The following RELN variants were observed in gnomAD, a reference collection of about 807,000 sequenced individuals.
The protein encoded by RELN is reelin.
A neutral mutation model predicts 427.6 loss-of-function variants in RELN; 108 were observed. The ratio of observed to expected loss-of-function variants is 0.25; its 90% confidence interval spans 0.22 to 0.30. The LOEUF (loss-of-function observed/expected upper bound fraction) is 0.30. Ranked by LOEUF, RELN falls within the 10% of genes least tolerant of loss-of-function variation. RELN has a pLI of 1.00. For missense variants in RELN, 3,715 were observed against 4,302.8 expected (o/e 0.86, Z 3.82); for synonymous variants, 1,524 against 1,513.4 (o/e 1.01, Z -0.16).
intron 12 of RELN, among the ~76,000 whole-genome samples, chr7:103,656,486 C>A (rs1833025323): frequency 6.6e-6 from 1 of 152,038 alleles, no homozygotes. Flanking sequence ...AGCACACATT[C>A]TCACCCCATT....
rs150166577 is a variant in RELN, at chr7:103,635,111, G to A, written c.2465+314C>T. 5.7e-3 allele frequency among the ~76,000 whole-genome samples: 868 copies of A among 151,920 alleles called. 6 individuals carry two copies. Among genetic ancestry groups the A allele is most frequent in the Middle Eastern group, 0.037 (11 of 294 alleles). ...CCTGACCTCGTGATCTGCCTGCCTC[G>A]GCCTCCCAAACTGCTGGGATTACAG... On this transcript the variant is annotated intron_variant, in intron 19 of 64. Coordinates refer to ENST00000428762, the MANE Select transcript of RELN (RefSeq NM_005045.4).
intron 2 of RELN, among the ~76,000 whole-genome samples, chr7:103,881,429 T>C (rs1794603525): frequency 6.6e-6 from 1 of 152,114 alleles, no homozygotes; most frequent in African/African-American, 2.4e-5. Context: ...ACTGTTGGCA[T>C]CATCATCAGA....
intron 60 of RELN, 86 bp from the exon 61 acceptor site, chr7:103,486,502 A>G (rs1363110362): frequency 9.6e-7 from 1 of 1,037,078 alleles, no homozygotes; most frequent in Non-Finnish European, 1.5e-6. Flanking sequence ...TTCAGGTTTA[A>G]GTAGTTGTTA....
chr7:103,652,637 A>C lies in RELN; in HGVS notation c.1677T>G (p.His559Gln). ...NRNVWAVDFF[H>Q]VLPVLPSTMS... ...TTGTAGAAGGGAGAACAGGCAAGAC[A>C]TGGAAAAAGTCTACAGCCCAGACAT... The change falls in exon 14 of 65, where the codon CAT becomes CAG. Residue 559 changes from histidine (H) to glutamine (Q), a missense_variant. Physicochemically the swap from His to Gln is conservative, Grantham distance 24. Transcript: ENST00000428762. 6.2e-7 allele frequency: 1 copy of C among 1,613,030 alleles called. No homozygotes were observed. Among genetic ancestry groups the C allele is most frequent in the Non-Finnish European group, 8.5e-7 (1 of 1,179,320 alleles).
chr7:103,780,344 C>A (rs529237277), intron 3 of RELN, among the ~76,000 whole-genome samples: 12 of 152,222 alleles, frequency 7.9e-5, no homozygotes, highest in African/African-American at 2.9e-4. Flanking sequence ...AGTATTTGTC[C>A]AATTTTAAAC....
Position 103,792,610 on chromosome 7 carries a change from C to A in RELN, c.474-15983G>T, listed in dbSNP as rs1792195163. ...AATGTAAACTGACAGCTAATGGGTG[C>A]AGGGTGTCTTTTAGGGGTAATAAAA... On this transcript the variant is annotated intron_variant, in intron 3 of 64. Transcript: ENST00000428762. Among the ~76,000 whole-genome samples, 4 of 151,730 alleles carry A rather than the reference C, an allele frequency of 2.6e-5. No individual in the cohort carries two copies. The South Asian group carries it at 8.3e-4, about 32-fold the overall frequency.
chr7:103,762,730 T>C (rs1429782182), intron 4 of RELN, among the ~76,000 whole-genome samples: 1 of 152,244 alleles, frequency 6.6e-6, no homozygotes, highest in Non-Finnish European at 1.5e-5. Flanking sequence ...TTATTGCTTG[T>C]ACATATGTCA....
chr7:103,935,820 C>G (rs1795969443), intron 1 of RELN, among the ~76,000 whole-genome samples: 1 of 152,128 alleles, frequency 6.6e-6, no homozygotes, highest in Non-Finnish European at 1.5e-5. Context: ...TGCCCCTGAC[C>G]TTATGGGGCA....
intron 28 of RELN, among the ~76,000 whole-genome samples, chr7:103,578,947 G>C (rs1012386136): frequency 1.3e-5 from 2 of 152,116 alleles, no homozygotes; most frequent in African/African-American, 4.8e-5. Context: ...GAAAAAGGAA[G>C]GTGTCTTCAT....
intron 20 of RELN, among the ~76,000 whole-genome samples, chr7:103,627,604 C>T (rs117983672): frequency 6.7e-6 from 1 of 150,088 alleles, no homozygotes; most frequent in Non-Finnish European, 1.5e-5. Flanking sequence ...ATTATCACCA[C>T]CAGGGTATAC....
At position 103,844,885 on chromosome 7, in the gene RELN, G is replaced by A. The variant is rs112445459; in HGVS notation, c.338-11213C>T. On this transcript the variant is annotated intron_variant, in intron 2 of 64. Coordinates refer to ENST00000428762, the MANE Select transcript of RELN (RefSeq NM_005045.4). ...TCTGTTTCTACTGCACTCAAATAAA[G>A]TGTCCATTTAAATAGGTAAATGAGC... Among the ~76,000 whole-genome samples, 252 of 152,286 alleles carry A rather than the reference G, an allele frequency of 1.7e-3. 1 individual carries two copies. Among genetic ancestry groups the A allele is most frequent in the African/African-American group, 5.9e-3 (244 of 41,562 alleles).
At chr7:103,490,280 C>T (rs1828604982) in intron 59 of RELN, among the ~76,000 whole-genome samples, 1 of 152,210 alleles carries the variant, frequency 6.6e-6, no homozygotes, top group South Asian at 2.1e-4. Flanking sequence ...CAGCCCTGCA[C>T]ACCCAGCTGG....
At chr7:103,736,104 T>C (rs1790485103) in intron 6 of RELN, among the ~76,000 whole-genome samples, 1 of 152,210 alleles carries the variant, frequency 6.6e-6, no homozygotes, top group Admixed American at 6.5e-5. Context: ...CAAGGAATGA[T>C]GAATTCATCA....
At chr7:103,665,951 AG>A (rs1239928952) in intron 11 of RELN, among the ~76,000 whole-genome samples, 2 of 151,688 alleles carry the variant, frequency 1.3e-5, no homozygotes, top group African/African-American at 2.4e-5. Context: ...TCTCTAGTTC[AG>A]TATACTAATT....
intron 1 of RELN, among the ~76,000 whole-genome samples, chr7:103,946,051 G>C (rs186110359): frequency 1.3e-5 from 2 of 152,272 alleles, no homozygotes; most frequent in East Asian, 3.9e-4. Context: ...GTGATTACTT[G>C]TTCAATCTCT....
At chr7:103,796,875 C>CAAAAAA (rs1310087423) in intron 3 of RELN, among the ~76,000 whole-genome samples, 118 of 66,280 alleles carry the variant, frequency 1.8e-3, no homozygotes, top group East Asian at 3.5e-3. Flanking sequence ...CTCCATCTCA[C>CAAAAAA]AAAAAAAAAA....
chr7:103,567,583 G>T (rs1830783109), intron 31 of RELN, among the ~76,000 whole-genome samples: 1 of 152,084 alleles, frequency 6.6e-6, no homozygotes, highest in Non-Finnish European at 1.5e-5. Context: ...CCTGTATTAA[G>T]AATAAGACTG....
chr7:103,743,824 A>T lies in RELN; in HGVS notation c.656+5602T>A, dbSNP rs1022536131. On this transcript the variant is annotated intron_variant, in intron 6 of 64. Transcript: ENST00000428762. Reference sequence around the variant, plus strand: ...CACACAATAATTATGGGAGACTTTAACACCCCACTGTCAACATTAGACAGA... The same window carrying T: ...CACACAATAATTATGGGAGACTTTATCACCCCACTGTCAACATTAGACAGA... 3.3e-5 allele frequency among the ~76,000 whole-genome samples: 5 copies of T among 152,198 alleles called. No individual in the cohort carries two copies. The East Asian group carries it at 5.8e-4, about 18-fold the overall frequency.
chr7:103,808,399 C>G (rs1318879332), intron 3 of RELN, among the ~76,000 whole-genome samples: 1 of 151,920 alleles, frequency 6.6e-6, no homozygotes, highest in Non-Finnish European at 1.5e-5. Flanking sequence ...TACCCTAAAA[C>G]TTAAAGTATA....
Sources: allele counts gnomAD v4.1 joint callset (sites outside exome capture counted in the v4.1 genomes callset), GRCh38; gene constraint gnomAD v4.1.1; transcripts MANE v1.5; gene names NCBI Gene and HGNC (gene_info 2026-07-23, HGNC 2026-07-21).